NCOA7: variants seen among roughly 807,000 people sequenced by gnomAD.
The protein encoded by NCOA7 is 140 kDa estrogen receptor-associated protein.
NCOA7 carries 45 observed loss-of-function variants against 104.3 expected under a neutral mutation model. The observed-to-expected ratio is 0.43, with a 90% CI of 0.34 to 0.55. The LOEUF is 0.55. Ranked by LOEUF, NCOA7 falls within the 20% of genes least tolerant of loss-of-function variation. The probability of loss-of-function intolerance (pLI) is 0.02; values close to 1 mark genes in which losing one functional copy is unlikely to be tolerated. For missense variants in NCOA7, 1,041 were observed against 1,119.7 expected (o/e 0.93, Z 1.00); for synonymous variants, 398 against 402.3 (o/e 0.99, Z 0.13).
intron 2 of NCOA7, among the ~76,000 whole-genome samples, chr6:125,854,391 C>T (rs1338611547): frequency 2.0e-5 from 3 of 152,146 alleles, no homozygotes; most frequent in Non-Finnish European, 4.4e-5. Flanking sequence ...AATATGTTAA[C>T]TAATAATCAA....
intron 12 of NCOA7, 121 bp from the exon 13 acceptor site, chr6:125,922,561 G>A (rs943171133): frequency 1.9e-5 from 22 of 1,128,956 alleles, no homozygotes; most frequent in Middle Eastern, 6.2e-4. Context: ...CCAGAATAAG[G>A]AGGGGCACTA....
At chr6:125,921,139 G>T in intron 12 of NCOA7, 71 bp downstream of exon 12, 1 of 1,560,502 alleles carries the variant, frequency 6.4e-7, no homozygotes, top group Non-Finnish European at 8.7e-7. Flanking sequence ...GCCAGGTACA[G>T]TGGCTCATGC....
At chr6:125,824,637 A>G (rs1333098884) in intron 2 of NCOA7, among the ~76,000 whole-genome samples, 2 of 152,212 alleles carry the variant, frequency 1.3e-5, no homozygotes, top group Admixed American at 1.3e-4. Flanking sequence ...TAAATCCCCT[A>G]AAACTTGTCT....
At chr6:125,861,519 AT>A (rs1321666313) in intron 3 of NCOA7, among the ~76,000 whole-genome samples, 3 of 152,174 alleles carry the variant, frequency 2.0e-5, no homozygotes, top group Non-Finnish European at 2.9e-5. Flanking sequence ...ATGGATTTTC[AT>A]GTAGAAAAAG....
chr6:125,899,307 GT>G (rs1344942833), intron 10 of NCOA7, among the ~76,000 whole-genome samples: 1 of 152,158 alleles, frequency 6.6e-6, no homozygotes, highest in Non-Finnish European at 1.5e-5. Flanking sequence ...TTTAACCATA[GT>G]TAATGTGGAA....
At position 125,851,693 on chromosome 6, in the gene NCOA7, A is replaced by G. The variant is rs1781142866; in HGVS notation, c.51-3327A>G. Among the ~76,000 whole-genome samples the G allele has an allele frequency of 2.0e-5, 3 of 152,176 alleles. No individual in the cohort carries two copies. The South Asian group carries it at 6.2e-4, about 31-fold the overall frequency. On this transcript the variant is annotated intron_variant, in intron 2 of 15. Coordinates refer to ENST00000392477, the MANE Select transcript of NCOA7 (RefSeq NM_181782.5). ...ATTGCCATACTGCAAATGTTGTACT[A>G]ATTTATATTCCCACCAGCAATGTAT...
chr6:125,815,421 CA>C lies in NCOA7; in HGVS notation c.50+21del. 1 of 1,601,902 alleles carries C rather than the reference CA, an allele frequency of 6.2e-7. No individual in the cohort carries two copies. Among genetic ancestry groups the C allele is most frequent in the Non-Finnish European group, 8.5e-7 (1 of 1,172,878 alleles). The stretch of plus-strand genomic sequence containing the variant: ...TTTTGCTCGGTAAGCATTCATTTTA[CA>C]AAATTGTTATCAGTACTTTAAAGAA... On this transcript the variant is annotated intron_variant, in intron 2 of 15. Transcript: ENST00000392477.
At chr6:125,926,513 C>CT (rs1169218615) in intron 13 of NCOA7, among the ~76,000 whole-genome samples, 9 of 151,650 alleles carry the variant, frequency 5.9e-5, no homozygotes, top group African/African-American at 1.5e-4. Flanking sequence ...TATTCTGGTT[C>CT]TTTTTTTTGG....
In NCOA7 at chr6:125,889,913, G is replaced by A; in HGVS notation, c.1859G>A (p.Gly620Asp). ...TCTACTCTGGACAACAGCTGTCAAG[G>A]TGCACAAATGGATAATAAATCTGAA... is the stretch of plus-strand genomic sequence containing the variant. ...LESTLDNSCQ[G>D]AQMDNKSEVQ... Residue 620 changes from glycine to aspartate, a missense_variant, in exon 9 of 16, where the codon GGT (glycine) becomes GAT (aspartate). This residue lies in a region of NCOA7 where 914 missense variants were observed against 942.7 expected (regional missense o/e 0.97). Coordinates refer to ENST00000392477, the MANE Select transcript of NCOA7 (RefSeq NM_181782.5). 1.3e-6 allele frequency: 2 copies of A among 1,592,386 alleles called. No individual in the cohort carries two copies. The highest frequency in any genetic ancestry group is 1.7e-6 in the Non-Finnish European group (2 of 1,173,272).
chr6:125,813,861 T>C (rs968068018), intron 1 of NCOA7, among the ~76,000 whole-genome samples: 1 of 152,200 alleles, frequency 6.6e-6, no homozygotes, highest in Non-Finnish European at 1.5e-5. Context: ...ATTATATATA[T>C]GTTTTTTTAA....
intron 2 of NCOA7, among the ~76,000 whole-genome samples, chr6:125,838,924 G>A (rs533579788): frequency 6.6e-6 from 1 of 152,246 alleles, no homozygotes; most frequent in East Asian, 1.9e-4. Context: ...GGGGGACTCA[G>A]GGGTGGTAGG....
intron 2 of NCOA7, among the ~76,000 whole-genome samples, chr6:125,841,077 G>GATTTTGT (rs1780122740): frequency 1.3e-5 from 2 of 150,902 alleles, no homozygotes; most frequent in Non-Finnish European, 3.0e-5. Flanking sequence ...AGTTTTAGTA[G>GATTTTGT]AGACAGGATT....
intron 7 of NCOA7, 132 bp downstream of exon 7, chr6:125,882,683 A>G (rs1482597399): frequency 1.5e-5 from 16 of 1,102,152 alleles, no homozygotes; most frequent in East Asian, 5.2e-5. Context: ...ACAAGCATCC[A>G]TTAGTTTTCT....
At chr6:125,822,332 C>G (rs1778266854) in intron 2 of NCOA7, among the ~76,000 whole-genome samples, 1 of 152,158 alleles carries the variant, frequency 6.6e-6, no homozygotes, top group South Asian at 2.1e-4. Context: ...TTTATTTTAT[C>G]AGTTTCACTA....
intron 12 of NCOA7, among the ~76,000 whole-genome samples, chr6:125,922,269 G>A (rs1233244467): frequency 6.6e-6 from 1 of 152,178 alleles, no homozygotes; most frequent in Non-Finnish European, 1.5e-5. Flanking sequence ...TCACTTCTGT[G>A]CAAAGCTGCA....
intron 2 of NCOA7, among the ~76,000 whole-genome samples, chr6:125,849,237 C>T (rs946676183): frequency 2.6e-5 from 4 of 152,048 alleles, no homozygotes; most frequent in African/African-American, 7.2e-5. Context: ...TGCAGTCAGT[C>T]GGCTAACTCT....
chr6:125,919,725 A>G (rs965701605), intron 11 of NCOA7, among the ~76,000 whole-genome samples: 1 of 152,156 alleles, frequency 6.6e-6, no homozygotes, highest in African/African-American at 2.4e-5. Flanking sequence ...TTGGTTTGTG[A>G]TTCTTGATAG....
In NCOA7 at chr6:125,830,751, GTGTGTGTGTA is replaced by G. The variant is rs1439057465; in HGVS notation, c.50+15357_50+15366del. ...TATATATATATATGTGTGTGTGTGT[GTGTGTGTGTA>G]TGTGTGTGTGTGTGTGTGTGTATAG... On this transcript the variant is annotated intron_variant, in intron 2 of 15. Coordinates refer to ENST00000392477, the MANE Select transcript of NCOA7 (RefSeq NM_181782.5). 5.7e-3 allele frequency among the ~76,000 whole-genome samples: 850 copies of G among 148,492 alleles called. 3 individuals carry two copies. Among genetic ancestry groups the G allele is most frequent in the Non-Finnish European group, 7.7e-3 (514 of 66,844 alleles).
At chr6:125,876,915 T>A (rs941678931) in intron 4 of NCOA7, among the ~76,000 whole-genome samples, 2 of 152,238 alleles carry the variant, frequency 1.3e-5, no homozygotes, top group Non-Finnish European at 2.9e-5. Flanking sequence ...GTATGTCTTG[T>A]CTTTAATAAC....
Sources: allele counts gnomAD v4.1 joint callset (sites outside exome capture counted in the v4.1 genomes callset), GRCh38; gene constraint gnomAD v4.1.1; regional missense constraint gnomAD v4.1.1; transcripts MANE v1.5; gene names NCBI Gene and HGNC (gene_info 2026-07-23, HGNC 2026-07-21).